Variants in ZPLD1 observed in about 807,000 individuals in gnomAD.
The protein encoded by ZPLD1 is zona pellucida like domain containing 1, also known as zona pellucida-like domain-containing protein 1.
In ZPLD1, 34 loss-of-function variants were observed where a neutral mutation model predicts 47.2. The ratio of observed to expected loss-of-function variants is 0.72; its 90% CI spans 0.55 to 0.96. The LOEUF is 0.96. ZPLD1 is among the 40% of genes least tolerant of loss of function. The pLI is 0.00. For synonymous variants in ZPLD1, 176 were observed against 186.2 expected (o/e 0.95, Z 0.45); for missense variants, 512 against 505.8 (o/e 1.01, Z -0.12).
rs1321644604 is a variant in ZPLD1 at position 102,456,215 on chromosome 3, G to C, written c.350G>C (p.Ser117Thr). 3.1e-6 allele frequency: 5 copies of C among 1,613,358 alleles called. No individual in the cohort carries two copies. The highest frequency in any genetic ancestry group is 1.1e-5 in the South Asian group (1 of 90,830). The change falls in exon 5 of 12, where the codon AGT (serine) becomes ACT (threonine). Residue 117 changes from serine (S) to threonine (T), a missense_variant. Ser to Thr is a moderately conservative substitution (Grantham distance 58). Coordinates refer to ENST00000466937, the MANE Select transcript of ZPLD1 (RefSeq NM_001329788.2). ...NLVVSTIPGV[S>T]AYGNATSVQV... ...CAGGTATCCACAATTCCTGGAGTCA[G>C]TGCTTATGGAAATGCAACTTCAGTG...
intron 7 of ZPLD1, among the ~76,000 whole-genome samples, chr3:102,410,374 A>T (rs1032441535): frequency 6.6e-6 from 1 of 151,784 alleles, no homozygotes; most frequent in African/African-American, 2.4e-5. Context: ...ATTACTACAC[A>T]GATTATTATT....
intron 3 of ZPLD1, among the ~76,000 whole-genome samples, chr3:102,447,530 G>A (rs769001351): frequency 6.6e-6 from 1 of 152,158 alleles, no homozygotes; most frequent in Non-Finnish European, 1.5e-5. Flanking sequence ...TTGTATTGCA[G>A]AATACATATG....
intron 1 of ZPLD1, among the ~76,000 whole-genome samples, chr3:102,435,634 T>C (rs1707078198): frequency 6.9e-6 from 1 of 144,434 alleles, no homozygotes; most frequent in Non-Finnish European, 1.5e-5. Flanking sequence ...GATCATCATC[T>C]TGATTTTTTT....
chr3:102,479,078 G>A lies in ZPLD1; in HGVS notation c.*1460G>A, dbSNP rs191275920. Reference sequence around the variant, plus strand: ...TTCTCCAATTTGCCTGAATATTTCAGGAGGAAGTGTTTATATTATAATAAT... The same window carrying A: ...TTCTCCAATTTGCCTGAATATTTCAAGAGGAAGTGTTTATATTATAATAAT... On this transcript the variant is annotated 3_prime_UTR_variant, in exon 12 of 12. Transcript: ENST00000466937. The A allele has an allele frequency of 6.6e-6, 1 of 152,232 alleles. No homozygotes were observed. The highest frequency in any genetic ancestry group is 6.5e-5 in the Admixed American group (1 of 15,290). The allele number at this position is 152,232 out of a possible 1,614,324, so 9.4% of individuals were successfully genotyped here.
chr3:102,415,044 G>A (rs540898843), intron 7 of ZPLD1, among the ~76,000 whole-genome samples: 14 of 151,924 alleles, frequency 9.2e-5, no homozygotes, highest in Non-Finnish European at 1.9e-4. Flanking sequence ...TGTTGAGCTG[G>A]GAAATCGATT....
intron 7 of ZPLD1, among the ~76,000 whole-genome samples, chr3:102,416,807 T>C (rs1706812565): frequency 6.6e-6 from 1 of 152,084 alleles, no homozygotes; most frequent in East Asian, 1.9e-4. Flanking sequence ...AGAATAGTAT[T>C]ATAAATATGC....
chr3:102,397,534 T>A (rs1706571723), intron 7 of ZPLD1, among the ~76,000 whole-genome samples: 1 of 151,954 alleles, frequency 6.6e-6, no homozygotes. Flanking sequence ...TGGAAGTGAG[T>A]AGGAGAACTC....
At position 102,470,389 on chromosome 3, in the gene ZPLD1, C is replaced by T. The variant is rs199886188; in HGVS notation, c.934-5C>T. 228 of 1,613,128 alleles carry T rather than the reference C, an allele frequency of 1.4e-4. 1 individual carries two copies. In the African/African-American group the frequency reaches 1.5e-3, roughly 10 times the overall value. ...GAATTTCATTTGTTTTCATTAACAC[C>T]TCAGATTTGCAGCCACAGAGAAAGG... On this transcript the variant is annotated splice_polypyrimidine_tract_variant and splice_region_variant and intron_variant, in intron 9 of 11. Transcript: ENST00000466937.
intron 7 of ZPLD1, among the ~76,000 whole-genome samples, chr3:102,394,434 C>G (rs1706534677): frequency 6.6e-6 from 1 of 151,996 alleles, no homozygotes; most frequent in Admixed American, 6.6e-5. Context: ...AGCTAATGTT[C>G]CCTTAGGATA....
chr3:102,387,885 GTCTC>G (rs1201602259), intron 6 of ZPLD1, among the ~76,000 whole-genome samples: 2 of 127,072 alleles, frequency 1.6e-5, no homozygotes, highest in Middle Eastern at 6.7e-3. Flanking sequence ...GTGAGACGGA[GTCTC>G]TCTCTCTGTC....
chr3:102,405,164 A>C lies in ZPLD1; in HGVS notation c.-156-12896A>C, dbSNP rs542880848. On this transcript the variant is annotated intron_variant, in intron 7 of 17. Coordinates refer to the ZPLD1 transcript ENST00000491959. Reference sequence around the variant, plus strand: ...ATGATAATCCCAAAGCAAGAGTCATAATAAGTGCACTTAATAATCCATACA... The same window carrying C: ...ATGATAATCCCAAAGCAAGAGTCATCATAAGTGCACTTAATAATCCATACA... Among the ~76,000 whole-genome samples, 6 of 152,122 alleles carry C rather than the reference A, an allele frequency of 3.9e-5. No individual in the cohort carries two copies. The East Asian group carries it at 1.2e-3, about 30-fold the overall frequency.
intron 2 of ZPLD1, among the ~76,000 whole-genome samples, chr3:102,437,826 C>A (rs1317150792): frequency 6.6e-6 from 1 of 152,214 alleles, no homozygotes; most frequent in Non-Finnish European, 1.5e-5. Context: ...TTACTACCCA[C>A]CAAGGAGCAG....
chr3:102,413,637 C>A (rs1448102991), intron 7 of ZPLD1, among the ~76,000 whole-genome samples: 4 of 151,644 alleles, frequency 2.6e-5, no homozygotes, highest in Non-Finnish European at 4.4e-5. Context: ...GCATACAAAA[C>A]CTACTCTTTA....
rs1476771570 is a variant in ZPLD1, at chr3:102,459,084, C to T, written c.582+1231C>T. Among the ~76,000 whole-genome samples, 82 of 106,766 alleles carry T rather than the reference C, an allele frequency of 7.7e-4. 1 individual carries two copies. The highest frequency in any genetic ancestry group is 3.6e-3 in the African/African-American group (77 of 21,518). The allele number at this position is 106,766 out of a possible 152,430, so 70.0% of individuals were successfully genotyped here. A position where few individuals can be genotyped will look rare whatever the true frequency, so the allele number is the denominator to read the frequency against. ...CAGCCTGGGAGACAGAGCGAGACTC[C>T]GTCTCAAAAAAAAAAAAAAAAAAAA... On this transcript the variant is annotated intron_variant, in intron 6 of 11. Coordinates refer to ENST00000466937, the MANE Select transcript of ZPLD1 (RefSeq NM_001329788.2).
chr3:102,424,874 A>G (rs915623298), intron 8 of ZPLD1, among the ~76,000 whole-genome samples: 5 of 152,182 alleles, frequency 3.3e-5, no homozygotes, highest in African/African-American at 1.2e-4. Context: ...CCAATATTCT[A>G]GCACATTATT....
chr3:102,392,480 G>A (rs893162206), intron 7 of ZPLD1, among the ~76,000 whole-genome samples: 3 of 151,878 alleles, frequency 2.0e-5, no homozygotes, highest in African/African-American at 7.3e-5. Flanking sequence ...GTGCTAATAT[G>A]TTACCTCAGG....
At chr3:102,442,972 T>A (rs1331744643) in intron 3 of ZPLD1, among the ~76,000 whole-genome samples, 1 of 152,176 alleles carries the variant, frequency 6.6e-6, no homozygotes, top group Non-Finnish European at 1.5e-5. Flanking sequence ...TATAGTTGAA[T>A]TTAGAGTACC....
At chr3:102,400,953 C>T (rs375803327) in intron 7 of ZPLD1, among the ~76,000 whole-genome samples, 1 of 152,054 alleles carries the variant, frequency 6.6e-6, no homozygotes, top group Non-Finnish European at 1.5e-5. Context: ...TATTTTCATT[C>T]CACATGAATT....
At chr3:102,401,098 G>T (rs986140105) in intron 7 of ZPLD1, among the ~76,000 whole-genome samples, 1 of 152,016 alleles carries the variant, frequency 6.6e-6, no homozygotes, top group Non-Finnish European at 1.5e-5. Flanking sequence ...ACAAGGTGTA[G>T]CCCTGAAGGA....
Sources: allele counts gnomAD v4.1 joint callset (sites outside exome capture counted in the v4.1 genomes callset), GRCh38; gene constraint gnomAD v4.1.1; transcripts MANE v1.5; gene names NCBI Gene and HGNC (gene_info 2026-07-23, HGNC 2026-07-21).